COL11A1: variants seen among roughly 807,000 people sequenced by gnomAD.
COL11A1 encodes the protein collagen alpha-1(XI) chain.
A neutral mutation model predicts 265.2 loss-of-function variants in COL11A1; 74 were observed. The ratio of observed to expected loss-of-function variants is 0.28; its 90% CI spans 0.23 to 0.34. The LOEUF (loss-of-function observed/expected upper bound fraction) is 0.34. COL11A1 is among the 10% of genes least tolerant of loss of function. The pLI is 1.00. For synonymous variants in COL11A1, 816 were observed against 727.6 expected (o/e 1.12, Z -1.96); for missense variants, 2,165 against 2,263.6 (o/e 0.96, Z 0.88).
intron 1 of COL11A1, among the ~76,000 whole-genome samples, chr1:103,087,850 C>G (rs746133940): frequency 3.9e-5 from 6 of 152,130 alleles, no homozygotes; most frequent in Non-Finnish European, 8.8e-5. Context: ...TAGTAAGGAA[C>G]AGGTATACAC....
chr1:102,985,290 T>G (rs1663426960), intron 30 of COL11A1, among the ~76,000 whole-genome samples: 1 of 152,056 alleles, frequency 6.6e-6, no homozygotes, highest in Non-Finnish European at 1.5e-5. Flanking sequence ...AAATAAGTAT[T>G]TTACTGGATG....
chr1:103,052,570 T>A (rs1669915989), intron 4 of COL11A1, among the ~76,000 whole-genome samples: 1 of 152,232 alleles, frequency 6.6e-6, no homozygotes, highest in Non-Finnish European at 1.5e-5. Flanking sequence ...TTATTACAAC[T>A]ATGTTTCTAT....
intron 9 of COL11A1, among the ~76,000 whole-genome samples, chr1:103,019,961 G>A (rs1666881914): frequency 7.0e-6 from 1 of 143,142 alleles, no homozygotes; most frequent in African/African-American, 2.6e-5. Flanking sequence ...GTGTATATGT[G>A]CCACATTTTC....
chr1:102,929,670 A>C (rs1376373068), intron 46 of COL11A1, among the ~76,000 whole-genome samples: 5 of 151,930 alleles, frequency 3.3e-5, no homozygotes, highest in African/African-American at 1.2e-4. Context: ...TGAATCTGTA[A>C]ATTACCTTGG....
intron 62 of COL11A1, among the ~76,000 whole-genome samples, chr1:102,888,261 A>G (rs1651257502): frequency 6.6e-6 from 1 of 152,180 alleles, no homozygotes; most frequent in Non-Finnish European, 1.5e-5. Flanking sequence ...TTATTCCTAG[A>G]GTCAAGTAAA....
intron 59 of COL11A1, 64 bp from the exon 60 acceptor site, chr1:102,888,983 A>G (rs1651387453): frequency 6.9e-7 from 1 of 1,456,260 alleles, no homozygotes; most frequent in Non-Finnish European, 9.6e-7. Flanking sequence ...TGTTTTCATA[A>G]CTTTTCAATA....
intron 48 of COL11A1, among the ~76,000 whole-genome samples, chr1:102,920,684 TAGTGAA>T: frequency 6.6e-6 from 1 of 152,184 alleles, no homozygotes; most frequent in African/African-American, 2.4e-5. Flanking sequence ...GGTGATTTTG[TAGTGAA>T]TCAAAATTAT....
chr1:103,065,166 C>T (rs1297425195), intron 4 of COL11A1, among the ~76,000 whole-genome samples: 2 of 79,656 alleles, frequency 2.5e-5, no homozygotes, highest in East Asian at 4.1e-4. Flanking sequence ...GGGAACTCCC[C>T]GTCCTTTCTG....
At chr1:102,901,794 C>A (rs1653241562) in intron 54 of COL11A1, among the ~76,000 whole-genome samples, 1 of 152,164 alleles carries the variant, frequency 6.6e-6, no homozygotes, top group Non-Finnish European at 1.5e-5. Flanking sequence ...TTTCACTATT[C>A]AAGTTTTACA....
intron 23 of COL11A1, 21 bp downstream of exon 23, chr1:103,002,407 G>A: frequency 1.3e-6 from 2 of 1,592,588 alleles, no homozygotes; most frequent in South Asian, 1.1e-5. Context: ...TTTCAAAGGA[G>A]CTGCAGTGGC....
chr1:103,099,353 A>G (rs1674048724), intron 1 of COL11A1, among the ~76,000 whole-genome samples: 1 of 151,444 alleles, frequency 6.6e-6, no homozygotes, highest in Non-Finnish European at 1.5e-5. Flanking sequence ...ATATACATAA[A>G]ACATATAATT....
intron 24 of COL11A1, 69 bp from the exon 25 acceptor site, chr1:102,998,432 T>A: frequency 9.3e-7 from 1 of 1,072,312 alleles, no homozygotes; most frequent in Non-Finnish European, 1.3e-6. Flanking sequence ...GTACATATAC[T>A]ATGAATGAAA....
intron 65 of COL11A1, among the ~76,000 whole-genome samples, chr1:102,880,170 A>G (rs1650049058): frequency 6.6e-6 from 1 of 152,150 alleles, no homozygotes; most frequent in Non-Finnish European, 1.5e-5. Flanking sequence ...TCTAAGTCTT[A>G]GTTTCCTAAA....
At chr1:102,981,566 CA>C (rs1663043321) in intron 31 of COL11A1, among the ~76,000 whole-genome samples, 1 of 151,866 alleles carries the variant, frequency 6.6e-6, no homozygotes, top group Admixed American at 6.6e-5. Flanking sequence ...GAAAAATGAC[CA>C]ACCTACCCAA....
intron 4 of COL11A1, among the ~76,000 whole-genome samples, chr1:103,074,196 T>A (rs765231855): frequency 6.6e-5 from 10 of 152,084 alleles, no homozygotes; most frequent in East Asian, 1.9e-4. Context: ...TGCAATATGA[T>A]CTCTATTTTA....
chr1:103,028,685 T>C, intron 5 of COL11A1, among the ~76,000 whole-genome samples: 1 of 152,182 alleles, frequency 6.6e-6, no homozygotes, highest in Admixed American at 6.6e-5. Context: ...ATGTCTGTTC[T>C]TACATAATTT....
At position 102,965,523 on chromosome 1, in the gene COL11A1, G is replaced by A. The variant is rs778917872; in HGVS notation, c.2880C>T (p.Thr960=). 6.8e-6 allele frequency: 11 copies of A among 1,613,372 alleles called. No individual in the cohort carries two copies. The highest frequency in any genetic ancestry group is 2.7e-5 in the African/African-American group (2 of 74,894). ...CCACTCCCCCTGGCCCAGGAGGGCC[G>A]GTCTTGCCTTGAAATCCCTAAGGAG... ...QRGETGFQGK[T]GPPGPGGVVG... is the part of the protein sequence containing the mutation. The change falls in exon 38 of 67, where the codon ACC becomes ACT. Residue 960 remains threonine (T), a synonymous_variant. Transcript: ENST00000370096.
rs185099377 is a variant in COL11A1, at chr1:102,888,002, C to G, written c.4608+575G>C. Among the ~76,000 whole-genome samples, 5 of 152,150 alleles carry G rather than the reference C, an allele frequency of 3.3e-5. No homozygotes were observed. The East Asian group carries it at 9.7e-4, about 29-fold the overall frequency. ...AGACAATACATTTTTGTGGTTTGAG[C>G]CACCGACTCTGTGGTACTTTGCTAT... is the stretch of plus-strand genomic sequence containing the variant. On this transcript the variant is annotated intron_variant, in intron 62 of 66. Coordinates refer to ENST00000370096, the MANE Select transcript of COL11A1 (RefSeq NM_001854.4).
At chr1:103,001,524 T>C (rs1665107544) in intron 24 of COL11A1, 2 of 452,868 alleles carry the variant, frequency 4.4e-6, no homozygotes, top group South Asian at 6.4e-5. Context: ...TGAGATATAA[T>C]GGCAATGACA....
Sources: allele counts gnomAD v4.1 joint callset (sites outside exome capture counted in the v4.1 genomes callset), GRCh38; gene constraint gnomAD v4.1.1; transcripts MANE v1.5; gene names NCBI Gene and HGNC (gene_info 2026-07-23, HGNC 2026-07-21).